The following STRA6 variants were observed in gnomAD, a reference collection of about 807,000 sequenced individuals.
STRA6 encodes receptor for retinol uptake STRA6.
In STRA6, 48 loss-of-function variants were observed where a neutral mutation model predicts 83.6. That is an observed-to-expected ratio of 0.57 (90% CI 0.46 to 0.73). The LOEUF (loss-of-function observed/expected upper bound fraction) is 0.73. Ranked by LOEUF, STRA6 falls within the 30% of genes least tolerant of loss-of-function variation. STRA6 has a pLI of 0.00. For missense variants in STRA6, 760 were observed against 838.8 expected (o/e 0.91, Z 1.16); for synonymous variants, 353 against 362.3 (o/e 0.97, Z 0.29).
In STRA6 at chr15:74,193,671, C is replaced by A. The variant is rs759914624; in HGVS notation, c.720+129G>T. On this transcript the variant is annotated intron_variant, in intron 8 of 18. Transcript: ENST00000395105. ...GAGGACTAAGCAGTCACTCAGCAAA[C>A]ATTTTCTGAGCATCTATTCTGTGCT... The A allele has an allele frequency of 3.4e-4, 507 of 1,501,136 alleles. 1 individual carries two copies. Among genetic ancestry groups the A allele is most frequent in the Non-Finnish European group, 4.5e-4 (490 of 1,095,412 alleles). The allele number at this position is 1,501,136 out of a possible 1,614,324, so 93.0% of individuals were successfully genotyped here.
intron 7 of STRA6, chr15:74,194,507 G>T: frequency 2.1e-6 from 1 of 484,610 alleles, no homozygotes; most frequent in Non-Finnish European, 2.9e-6. Context: ...CACCCTGAGG[G>T]ACTGGTGTTA....
upstream of STRA6, chr15:74,209,505 C>G (rs540262742): frequency 6.9e-7 from 1 of 1,441,698 alleles, no homozygotes; most frequent in African/African-American, 1.4e-5. Flanking sequence ...TAAGGGGAGT[C>G]ATCACAGGGC....
intron 4 of STRA6, chr15:74,196,356 A>G: frequency 2.6e-6 from 2 of 759,914 alleles, no homozygotes; most frequent in Admixed American, 4.8e-5. Context: ...GGGACTTGGG[A>G]CACACATACA....
In STRA6 at chr15:74,185,310, C is replaced by T. The variant is rs116425219; in HGVS notation, c.1091-255G>A. Among the ~76,000 whole-genome samples the T allele has an allele frequency of 3.2e-3, 484 of 152,368 alleles. 1 individual carries two copies. The highest frequency in any genetic ancestry group is 0.011 in the African/African-American group (464 of 41,592). On this transcript the variant is annotated intron_variant, in intron 12 of 18. Transcript: ENST00000395105. ...TCTGAGTCTGCAGACCTAGTCCTCA[C>T]CCTGCTGTTGCTGCTTCTATTGCTG...
chr15:74,182,084 G>T, intron 16 of STRA6, 77 bp downstream of exon 16: 1 of 1,241,550 alleles, frequency 8.1e-7, no homozygotes, highest in African/African-American at 1.5e-5. Flanking sequence ...TGGCAGTGGA[G>T]GGAGGACACA....
Position 74,182,205 on chromosome 15 carries a change from C to T in STRA6, c.1476G>A (p.Trp492Ter). The T allele has an allele frequency of 1.2e-6, 2 of 1,614,140 alleles. No homozygotes were observed. The highest frequency in any genetic ancestry group is 8.5e-7 in the Non-Finnish European group (1 of 1,180,014). ...AVILQNMAAH[W>*]VFLETHDGHP... ...GTCCATCATGAGTCTCCAGGAAGAC[C>T]CAATGGGCTGCCATGTTCTGCAGGA... Residue 492 changes from tryptophan to a stop codon, truncating the protein, a stop_gained, in exon 16 of 19, where the codon TGG (tryptophan) becomes TGA (stop). Transcript: ENST00000395105. LOFTEE classifies it high-confidence loss of function.
At chr15:74,183,720 T>A in intron 14 of STRA6, 136 bp downstream of exon 14, 1 of 1,591,012 alleles carries the variant, frequency 6.3e-7, no homozygotes, top group Non-Finnish European at 8.5e-7. Flanking sequence ...GGGTCCCTCC[T>A]TCTTGCTGCT....
At chr15:74,195,140 G>T in intron 7 of STRA6, 162 bp downstream of exon 7, 1 of 1,507,820 alleles carries the variant, frequency 6.6e-7, no homozygotes. Context: ...CTGCAGAGCA[G>T]CCAAGCTTGG....
chr15:74,184,787 G>A (rs1316985933), intron 13 of STRA6, among the ~76,000 whole-genome samples, 193 bp downstream of exon 13: 1 of 152,182 alleles, frequency 6.6e-6, no homozygotes, highest in Non-Finnish European at 1.5e-5. Flanking sequence ...TCCCCAACCA[G>A]ACAGGAAGGC....
intron 11 of STRA6, among the ~76,000 whole-genome samples, chr15:74,189,666 CTTTT>C (rs565194026): frequency 1.4e-5 from 2 of 140,508 alleles, no homozygotes; most frequent in Non-Finnish European, 1.6e-5. Flanking sequence ...ACAACTTCTT[CTTTT>C]TTTTTTTTTT....
chr15:74,208,347 G>C (rs2074309403), intron 1 of STRA6, among the ~76,000 whole-genome samples: 1 of 152,144 alleles, frequency 6.6e-6, no homozygotes, highest in South Asian at 2.1e-4. Flanking sequence ...AGCTATAAGA[G>C]CCCCACGTTC....
chr15:74,180,690 G>C, intron 18 of STRA6, 92 bp downstream of exon 18: 1 of 1,503,784 alleles, frequency 6.6e-7, no homozygotes, highest in Non-Finnish European at 8.9e-7. Flanking sequence ...GAATTTTCCT[G>C]GCGCTCACTC....
At chr15:74,210,067 G>A (rs549370198), upstream of STRA6, among the ~76,000 whole-genome samples, 1 of 152,300 alleles carries the variant, frequency 6.6e-6, no homozygotes, top group Non-Finnish European at 1.5e-5. Flanking sequence ...AGAGAGAGCA[G>A]CTCAAGCCGA....
chr15:74,188,482 A>G lies in STRA6; in HGVS notation c.1090+633T>C, dbSNP rs188326143. 6.6e-6 allele frequency among the ~76,000 whole-genome samples: 1 copy of G among 152,342 alleles called. No individual in the cohort carries two copies. The highest frequency in any genetic ancestry group is 6.5e-5 in the Admixed American group (1 of 15,306). On this transcript the variant is annotated intron_variant, in intron 12 of 18. Transcript: ENST00000395105. The surrounding 1 kb of genome is among the most constrained non-coding windows in gnomAD (Gnocchi z 4.5). ...TCTTGGCTGCACTCTGCCCTGCTGG[A>G]TGGCCTCAGGCAAATCCTTCCCCAT... is the stretch of plus-strand genomic sequence containing the variant.
chr15:74,202,891 T>C (rs913926321), upstream of STRA6: 7 of 997,848 alleles, frequency 7.0e-6, no homozygotes, highest in African/African-American at 8.7e-5. Flanking sequence ...CCATAATCCT[T>C]GACAAAGCCC....
chr15:74,181,380 C>A lies in STRA6; in HGVS notation c.1599G>T (p.Val533=). The change falls in exon 17 of 19, where the codon GTG becomes GTT. Residue 533 remains valine, a synonymous_variant. Transcript: ENST00000395105. ...LVGAMVATWR[V]LLSALYNAIH... ...TGGCGTTGTAGAGGGCAGAGAGGAG[C>A]ACTCGCCAGGTGGCCACCATGGCAC... The A allele has an allele frequency of 6.2e-7, 1 of 1,613,224 alleles. No individual in the cohort carries two copies. Among genetic ancestry groups the A allele is most frequent in the Non-Finnish European group, 8.5e-7 (1 of 1,179,664 alleles).
At chr15:74,180,671 AGGAAGTGAGAATTTTCCTGG>A (rs2072931575) in intron 18 of STRA6, 91 bp downstream of exon 18, 1 of 1,463,376 alleles carries the variant, frequency 6.8e-7, no homozygotes, top group African/African-American at 1.4e-5. Context: ...CAAGGAAGAG[AGGAAGTGAGAATTTTCCTGG>A]CGCTCACTCT....
At position 74,188,237 on chromosome 15, in the gene STRA6, T is replaced by TTAA. The variant is rs909733347; in HGVS notation, c.1090+875_1090+877dup. ...CCAGGTCTGTAGGATAAGGATGATG[T>TTAA]TAATGGTCAGGTACAGCTGCGGAGC... On this transcript the variant is annotated intron_variant, in intron 12 of 18. Coordinates refer to ENST00000395105, the MANE Select transcript of STRA6 (RefSeq NM_022369.4). This position sits in a 1 kb window ranked among gnomAD's most constrained non-coding sequence, Gnocchi z 4.5. 1.2e-4 allele frequency among the ~76,000 whole-genome samples: 19 copies of TTAA among 152,156 alleles called. No individual in the cohort carries two copies. The highest frequency in any genetic ancestry group is 1.9e-4 in the African/African-American group (8 of 41,426).
upstream of STRA6, among the ~76,000 whole-genome samples, chr15:74,211,227 C>T (rs532674290): frequency 6.6e-6 from 1 of 152,020 alleles, no homozygotes; most frequent in East Asian, 1.9e-4. Flanking sequence ...AGAGCTTGGA[C>T]TCCGTTTCAT....
Sources: allele counts gnomAD v4.1 joint callset (sites outside exome capture counted in the v4.1 genomes callset), GRCh38; gene constraint gnomAD v4.1.1; non-coding constraint Gnocchi (gnomAD v3.1); transcripts MANE v1.5; gene names NCBI Gene and HGNC (gene_info 2026-07-23, HGNC 2026-07-21).